Variants in DPP6 observed in about 807,000 individuals in gnomAD.
DPP6 encodes the protein dipeptidyl peptidase like 6, also known as A-type potassium channel modulatory protein DPP6.
Under a neutral mutation model 122.6 loss-of-function variants are expected in DPP6, and 69 were observed. The ratio of observed to expected loss-of-function variants is 0.56; its 90% CI spans 0.46 to 0.69. The LOEUF (loss-of-function observed/expected upper bound fraction) is 0.69, where lower values mean the gene tolerates loss of function less well. Ranked by LOEUF, DPP6 falls within the 30% of genes least tolerant of loss-of-function variation. DPP6 has a pLI of 0.00. For missense variants in DPP6, 928 were observed against 1,116.9 expected (o/e 0.83, Z 2.41); for synonymous variants, 418 against 433.1 (o/e 0.97, Z 0.43).
intron 1 of DPP6, among the ~76,000 whole-genome samples, chr7:153,961,295 G>T (rs1795337413): frequency 6.6e-6 from 1 of 150,928 alleles, no homozygotes; most frequent in South Asian, 2.1e-4. Flanking sequence ...AGCTGCCTAA[G>T]CTCCTATGAG....
intron 7 of DPP6, among the ~76,000 whole-genome samples, chr7:154,709,478 C>T (rs575323472): frequency 2.0e-5 from 3 of 152,236 alleles, no homozygotes; most frequent in African/African-American, 7.2e-5. Flanking sequence ...CCTTGGCCTC[C>T]CAAAGTGCTA....
chr7:154,576,169 C>G (rs953791699), intron 5 of DPP6, among the ~76,000 whole-genome samples: 1 of 152,120 alleles, frequency 6.6e-6, no homozygotes, highest in Non-Finnish European at 1.5e-5. Flanking sequence ...GGTCTCTCTA[C>G]TTCCCCGTGC....
chr7:154,671,260 T>C (rs935493639), intron 7 of DPP6, among the ~76,000 whole-genome samples: 4 of 152,168 alleles, frequency 2.6e-5, no homozygotes, highest in African/African-American at 4.8e-5. Flanking sequence ...TACACCTCCA[T>C]AGAGAGCTCT....
chr7:154,494,859 A>G (rs1244356226), intron 3 of DPP6, among the ~76,000 whole-genome samples: 2 of 152,182 alleles, frequency 1.3e-5, no homozygotes, highest in African/African-American at 2.4e-5. Context: ...CGTTGTCCTC[A>G]GGTACTTGCA....
intron 1 of DPP6, among the ~76,000 whole-genome samples, chr7:153,959,264 A>T (rs974504811): frequency 6.6e-6 from 1 of 151,570 alleles, no homozygotes; most frequent in East Asian, 2.0e-4. Flanking sequence ...GGCACATAGC[A>T]TGCTCGTTAC....
intron 1 of DPP6, among the ~76,000 whole-genome samples, chr7:154,074,450 A>G (rs1222461647): frequency 6.6e-6 from 1 of 152,194 alleles, no homozygotes; most frequent in Non-Finnish European, 1.5e-5. Context: ...TATACCCCAC[A>G]TGGATGCAGA....
chr7:153,919,586 A>G (rs1402167069), intron 1 of DPP6, among the ~76,000 whole-genome samples: 1 of 152,236 alleles, frequency 6.6e-6, no homozygotes, highest in Non-Finnish European at 1.5e-5. Flanking sequence ...GAGGATAAGA[A>G]AAAGTACACG....
At chr7:153,977,995 A>G (rs1031727583) in intron 1 of DPP6, among the ~76,000 whole-genome samples, 4 of 152,110 alleles carry the variant, frequency 2.6e-5, no homozygotes, top group African/African-American at 9.7e-5. Context: ...GCTATTGTGA[A>G]TAGTGCCACA....
intron 12 of DPP6, among the ~76,000 whole-genome samples, chr7:154,797,378 A>T (rs1214070723): frequency 2.0e-5 from 3 of 152,062 alleles, no homozygotes; most frequent in African/African-American, 7.2e-5. Flanking sequence ...TTATATGTAT[A>T]TATACATATA....
At chr7:154,530,071 A>T (rs957725304) in intron 3 of DPP6, among the ~76,000 whole-genome samples, 6 of 152,012 alleles carry the variant, frequency 3.9e-5, no homozygotes, top group Admixed American at 2.6e-4. Flanking sequence ...GGCTGCAGTG[A>T]GCAGAAATCA....
At position 154,543,158 on chromosome 7, in the gene DPP6, C is replaced by T. The variant is rs942643164; in HGVS notation, c.552+2532C>T. On this transcript the variant is annotated intron_variant, in intron 4 of 25. Coordinates refer to ENST00000377770, the MANE Select transcript of DPP6 (RefSeq NM_130797.4). ...AGGTGTTCTCTTCTCATTTGAATTC[C>T]AGAAGCTGTGAGCTTGTATAAATGA... is the stretch of plus-strand genomic sequence containing the variant. 3.3e-5 allele frequency among the ~76,000 whole-genome samples: 5 copies of T among 152,162 alleles called. No individual in the cohort carries two copies. In the East Asian group the frequency reaches 7.7e-4, roughly 23 times the overall value.
At chr7:153,791,790 T>C in the DPP6 span, among the ~76,000 whole-genome samples, 6 of 148,350 alleles carry the variant, frequency 4.0e-5, no homozygotes, top group Admixed American at 6.6e-5. Context: ...TACTTAGTCC[T>C]ATAATATAAC....
At chr7:153,837,213 T>C in the DPP6 span, among the ~76,000 whole-genome samples, 1 of 152,250 alleles carries the variant, frequency 6.6e-6, no homozygotes, top group Non-Finnish European at 1.5e-5. Context: ...ATACAATTTG[T>C]CCATTACAAT....
intron 7 of DPP6, among the ~76,000 whole-genome samples, chr7:154,709,770 C>T (rs764556266): frequency 2.6e-5 from 4 of 152,118 alleles, no homozygotes; most frequent in Admixed American, 6.5e-5. Context: ...GTTGGTATAT[C>T]TCTCTCGCTT....
At chr7:154,093,070 A>G (rs548832859) in intron 1 of DPP6, among the ~76,000 whole-genome samples, 2 of 151,748 alleles carry the variant, frequency 1.3e-5, no homozygotes, top group South Asian at 4.2e-4. Context: ...CACCACACAC[A>G]CATATCACAT....
chr7:154,449,528 G>T (rs577538612), intron 2 of DPP6, among the ~76,000 whole-genome samples: 1 of 152,194 alleles, frequency 6.6e-6, no homozygotes, highest in South Asian at 2.1e-4. Flanking sequence ...TAGTTCAGTA[G>T]TTCTCCTAAA....
At chr7:154,193,806 C>A (rs1253324155) in intron 1 of DPP6, among the ~76,000 whole-genome samples, 1 of 151,944 alleles carries the variant, frequency 6.6e-6, no homozygotes, top group East Asian at 1.9e-4. Context: ...AGGAAGAAAG[C>A]AAAAGTATGT....
At chr7:154,076,508 T>C (rs2150520060) in intron 1 of DPP6, among the ~76,000 whole-genome samples, 1 of 150,394 alleles carries the variant, frequency 6.6e-6, no homozygotes, top group African/African-American at 2.4e-5. Context: ...ATAAAAAATA[T>C]AGGAAAAGGG....
At chr7:154,575,523 T>G (rs1831581950) in intron 5 of DPP6, among the ~76,000 whole-genome samples, 2 of 130,662 alleles carry the variant, frequency 1.5e-5, no homozygotes, top group African/African-American at 6.0e-5. Context: ...GGTGTGTGTA[T>G]GTGCGTAGTG....
Sources: allele counts gnomAD v4.1 joint callset (sites outside exome capture counted in the v4.1 genomes callset), GRCh38; gene constraint gnomAD v4.1.1; transcripts MANE v1.5; gene names NCBI Gene and HGNC (gene_info 2026-07-23, HGNC 2026-07-21).